MAGI2: variants seen among roughly 807,000 people sequenced by gnomAD.
MAGI2 encodes the protein membrane associated guanylate kinase, WW and PDZ domain containing 2, also known as membrane-associated guanylate kinase, WW and PDZ domain-containing protein 2.
Under a neutral mutation model 133.3 loss-of-function variants are expected in MAGI2, and 35 were observed. The observed-to-expected ratio is 0.26, with a 90% CI of 0.20 to 0.35. MAGI2 has a LOEUF of 0.35. Among genes scored for constraint, MAGI2 ranks in the 10% least tolerant of loss-of-function variants. The pLI, the probability that MAGI2 is intolerant of heterozygous loss-of-function variation, is 1.00. For synonymous variants in MAGI2, 729 were observed against 710.6 expected, an observed-to-expected ratio of 1.03 and a Z score of -0.41; for missense variants, 1,636 against 1,863.4, an observed-to-expected ratio of 0.88 and a Z score of 2.25.
chr7:78,641,419 G>C (rs1394867538), intron 2 of MAGI2, among the ~76,000 whole-genome samples: 4 of 152,100 alleles, frequency 2.6e-5, no homozygotes, highest in African/African-American at 9.7e-5. Flanking sequence ...GATAAAACTG[G>C]ACACATAATA....
intron 9 of MAGI2, among the ~76,000 whole-genome samples, chr7:78,278,681 G>A (rs1795277339): frequency 2.0e-5 from 3 of 152,102 alleles, no homozygotes; most frequent in Admixed American, 2.0e-4. Flanking sequence ...ACTTTGGCCA[G>A]GTCTCATCCA....
At chr7:79,158,459 T>G (rs1824034844) in intron 1 of MAGI2, among the ~76,000 whole-genome samples, 1 of 152,098 alleles carries the variant, frequency 6.6e-6, no homozygotes, top group Admixed American at 6.6e-5. Context: ...AAAATGATAT[T>G]AAAAATGTCC....
chr7:78,607,309 G>GATTGATTCAA (rs1805922302), intron 3 of MAGI2, among the ~76,000 whole-genome samples: 1 of 151,894 alleles, frequency 6.6e-6, no homozygotes, highest in Non-Finnish European at 1.5e-5. Context: ...TTGAATCTGG[G>GATTGATTCAA]TTGATTGACC....
intron 2 of MAGI2, among the ~76,000 whole-genome samples, chr7:78,963,968 T>C (rs1803086617): frequency 6.6e-6 from 1 of 152,022 alleles, no homozygotes. Context: ...GCTCAGAGAT[T>C]ATGAGTCTGT....
chr7:79,204,516 C>A (rs970760914), intron 1 of MAGI2, among the ~76,000 whole-genome samples: 18 of 152,014 alleles, frequency 1.2e-4, no homozygotes, highest in African/African-American at 4.4e-4. Context: ...AAATAAGTAC[C>A]ACTTTTTCAA....
At chr7:79,269,635 T>G (rs1208566004) in intron 1 of MAGI2, among the ~76,000 whole-genome samples, 3 of 152,196 alleles carry the variant, frequency 2.0e-5, no homozygotes. Flanking sequence ...ATTGTAATGT[T>G]TATGAAACTG....
intron 16 of MAGI2, among the ~76,000 whole-genome samples, chr7:78,135,920 C>T (rs1822068312): frequency 6.6e-6 from 1 of 151,952 alleles, no homozygotes; most frequent in African/African-American, 2.4e-5. Flanking sequence ...ATCTACAATG[C>T]CATGGATGGT....
chr7:78,328,603 C>T (rs767820403), intron 9 of MAGI2, among the ~76,000 whole-genome samples: 2 of 151,164 alleles, frequency 1.3e-5, no homozygotes, highest in African/African-American at 2.4e-5. Flanking sequence ...AATCCTGGAT[C>T]ACAATCTTAT....
chr7:78,454,923 C>T (rs774884096), intron 6 of MAGI2, among the ~76,000 whole-genome samples: 2 of 152,074 alleles, frequency 1.3e-5, no homozygotes, highest in Admixed American at 6.6e-5. Flanking sequence ...AAGGGATGAA[C>T]GGGTGGAGCA....
chr7:78,241,487 A>G (rs1023875528), intron 10 of MAGI2, among the ~76,000 whole-genome samples: 1 of 152,172 alleles, frequency 6.6e-6, no homozygotes, highest in Non-Finnish European at 1.5e-5. Flanking sequence ...GGGGCCCCCA[A>G]ATTGCTAATC....
At chr7:79,139,510 T>C (rs1039188830) in intron 1 of MAGI2, among the ~76,000 whole-genome samples, 1 of 152,234 alleles carries the variant, frequency 6.6e-6, no homozygotes, top group South Asian at 2.1e-4. Context: ...CCCACTCTGA[T>C]ACACGGCTTC....
At chr7:78,781,666 C>A (rs1374652409) in intron 2 of MAGI2, among the ~76,000 whole-genome samples, 1 of 151,952 alleles carries the variant, frequency 6.6e-6, no homozygotes, top group Non-Finnish European at 1.5e-5. Context: ...CAATATATTT[C>A]TATGGGAAAG....
intron 9 of MAGI2, among the ~76,000 whole-genome samples, chr7:78,334,760 T>A (rs1789578737): frequency 6.6e-6 from 1 of 152,152 alleles, no homozygotes; most frequent in Admixed American, 6.5e-5. Context: ...TGGTTCAAGA[T>A]AACAGACTGA....
chr7:79,171,807 T>G (rs1472132064), intron 1 of MAGI2, among the ~76,000 whole-genome samples: 1 of 138,424 alleles, frequency 7.2e-6, no homozygotes, highest in African/African-American at 2.6e-5. Context: ...GTCTCCAAAA[T>G]ACTACCTAAT....
intron 2 of MAGI2, among the ~76,000 whole-genome samples, chr7:78,860,739 C>G (rs993849108): frequency 1.3e-5 from 2 of 152,144 alleles, no homozygotes; most frequent in Non-Finnish European, 2.9e-5. Context: ...ATCTCACACT[C>G]TGTGCTGGGA....
At position 78,139,650 on chromosome 7, in the gene MAGI2, G is replaced by A. The variant is rs200778187; in HGVS notation, c.2846-4444C>T. Reference sequence around the variant, plus strand: ...TCTGTCAGGGAGCAACATAAATCAAGTCTTTGGATCAGTCGTCTTGACACA... The same window carrying A: ...TCTGTCAGGGAGCAACATAAATCAAATCTTTGGATCAGTCGTCTTGACACA... On this transcript the variant is annotated intron_variant, in intron 16 of 21. Coordinates refer to ENST00000354212, the MANE Select transcript of MAGI2 (RefSeq NM_012301.4). Among the ~76,000 whole-genome samples, 24 of 152,308 alleles carry A rather than the reference G, an allele frequency of 1.6e-4. No homozygotes were observed. In the East Asian group the frequency reaches 4.6e-3, roughly 29 times the overall value.
At chr7:78,724,766 C>A (rs992627287) in intron 2 of MAGI2, among the ~76,000 whole-genome samples, 1 of 151,202 alleles carries the variant, frequency 6.6e-6, no homozygotes, top group Non-Finnish European at 1.5e-5. Context: ...TCCAGCTGGT[C>A]CAAGGCTAGA....
intron 1 of MAGI2, among the ~76,000 whole-genome samples, chr7:79,262,690 C>A (rs1834171019): frequency 6.6e-6 from 1 of 152,166 alleles, no homozygotes; most frequent in African/African-American, 2.4e-5. Flanking sequence ...AAGGATATGA[C>A]TGACCTCACT....
chr7:79,346,116 A>G (rs998677983), intron 1 of MAGI2, among the ~76,000 whole-genome samples: 3 of 152,070 alleles, frequency 2.0e-5, no homozygotes, highest in Non-Finnish European at 4.4e-5. Context: ...GAAAAGTAAT[A>G]TCCAACACTT....
Sources: gnomAD v4.1 joint callset for allele counts (sites outside exome capture counted in the v4.1 genomes callset) on GRCh38, gnomAD v4.1.1 for gene constraint, MANE v1.5 for transcripts, NCBI Gene and HGNC (gene_info 2026-07-23, HGNC 2026-07-21) for gene names.